Variants in PSD3 observed in about 807,000 individuals in gnomAD.
PSD3 encodes PH and SEC7 domain-containing protein 3.
A neutral mutation model predicts 105.5 loss-of-function variants in PSD3; 49 were observed. The observed-to-expected ratio is 0.46, with a 90% CI of 0.37 to 0.59. The LOEUF is 0.59. PSD3 is among the 20% of genes least tolerant of loss of function. The probability of loss-of-function intolerance (pLI) is 0.00; values close to 1 mark genes in which losing one functional copy is unlikely to be tolerated. For synonymous variants in PSD3, 557 were observed against 457.8 expected, an observed-to-expected ratio of 1.22 and a Z score of -2.77; for missense variants, 1,561 against 1,263.8, an observed-to-expected ratio of 1.24 and a Z score of -3.57.
intron 1 of PSD3, among the ~76,000 whole-genome samples, chr8:18,993,410 C>T (rs1446351598): frequency 6.7e-6 from 1 of 149,550 alleles, no homozygotes; most frequent in East Asian, 1.9e-4. Flanking sequence ...CTCATTGTTT[C>T]AGAGTATAGT....
chr8:18,707,757 T>G (rs1801988848), intron 9 of PSD3, among the ~76,000 whole-genome samples: 1 of 152,292 alleles, frequency 6.6e-6, no homozygotes, highest in East Asian at 1.9e-4. Flanking sequence ...AGGAAGAAAT[T>G]CTTATACTTC....
Position 18,767,887 on chromosome 8 carries a change from C to T in PSD3, c.2083-2349G>A, listed in dbSNP as rs180775463. 4.7e-3 allele frequency among the ~76,000 whole-genome samples: 711 copies of T among 152,136 alleles called. 8 individuals carry two copies. Among genetic ancestry groups the T allele is most frequent in the African/African-American group, 0.017 (688 of 41,504 alleles). On this transcript the variant is annotated intron_variant, in intron 8 of 15. Transcript: ENST00000327040. Reference sequence around the variant, plus strand: ...GTAAAAGGCTAACAGAAGGGTAGAACAGCACCTAGTGAATTCATTTGAAAG... The same window carrying T: ...GTAAAAGGCTAACAGAAGGGTAGAATAGCACCTAGTGAATTCATTTGAAAG...
At chr8:18,813,616 C>T (rs922604751) in intron 4 of PSD3, among the ~76,000 whole-genome samples, 4 of 152,090 alleles carry the variant, frequency 2.6e-5, no homozygotes, top group Non-Finnish European at 5.9e-5. Context: ...GTTCAGTTTG[C>T]CAGCAAGCAA....
chr8:18,833,790 G>GA (rs368859164), intron 4 of PSD3, among the ~76,000 whole-genome samples: 72 of 151,904 alleles, frequency 4.7e-4, no homozygotes, highest in Middle Eastern at 3.4e-3. Context: ...AGAAATGAAA[G>GA]AAAAAATAGA....
At position 18,678,586 on chromosome 8, in the gene PSD3, C is replaced by A. The variant is rs10108754; in HGVS notation, c.2173-22901G>T. Reference sequence around the variant, plus strand: ...CAACGCTTTGGGAGGCCTAAGTGGGCGGATCGCCTGAGGTTGGGAGTTCAA... The same window carrying A: ...CAACGCTTTGGGAGGCCTAAGTGGGAGGATCGCCTGAGGTTGGGAGTTCAA... On this transcript the variant is annotated intron_variant, in intron 9 of 15. Coordinates refer to ENST00000327040, the MANE Select transcript of PSD3 (RefSeq NM_015310.4). Among the ~76,000 whole-genome samples, 9 of 152,298 alleles carry A rather than the reference C, an allele frequency of 5.9e-5. No homozygotes were observed. In the East Asian group the frequency reaches 1.7e-3, roughly 29 times the overall value.
intron 1 of PSD3, among the ~76,000 whole-genome samples, chr8:18,956,467 C>G (rs1482865169): frequency 1.3e-5 from 2 of 152,064 alleles, no homozygotes; most frequent in East Asian, 3.9e-4. Context: ...CAGATTCTCT[C>G]TAAAAAGTTT....
intron 4 of PSD3, among the ~76,000 whole-genome samples, chr8:18,848,420 G>T (rs1190972999): frequency 2.6e-5 from 4 of 152,196 alleles, no homozygotes; most frequent in African/African-American, 7.2e-5. Flanking sequence ...TCCCCTGGTT[G>T]CATGGCCCTG....
At chr8:18,610,419 C>A (rs1805173095) in intron 11 of PSD3, among the ~76,000 whole-genome samples, 2 of 152,148 alleles carry the variant, frequency 1.3e-5, no homozygotes, top group South Asian at 2.1e-4. Context: ...GTAACCAACC[C>A]AGTTGTTTCT....
At chr8:19,024,664 G>C (rs930400161) in intron 1 of PSD3, among the ~76,000 whole-genome samples, 2 of 152,108 alleles carry the variant, frequency 1.3e-5, no homozygotes, top group Non-Finnish European at 2.9e-5. Context: ...GACATGATTA[G>C]AGGGGTAGAA....
intron 1 of PSD3, among the ~76,000 whole-genome samples, chr8:18,938,931 G>T (rs1021037708): frequency 5.9e-5 from 9 of 152,190 alleles, no homozygotes; most frequent in Admixed American, 6.5e-5. Context: ...ACAACCAGGT[G>T]CATGTATTGA....
chr8:18,572,210 A>G (rs1013884735), intron 14 of PSD3, among the ~76,000 whole-genome samples: 3 of 152,236 alleles, frequency 2.0e-5, no homozygotes, highest in Non-Finnish European at 4.4e-5. Flanking sequence ...ATGCAAGAAA[A>G]GCTTGTTACC....
chr8:18,754,873 G>C (rs190538361), intron 9 of PSD3, among the ~76,000 whole-genome samples: 1 of 152,036 alleles, frequency 6.6e-6, no homozygotes, highest in Admixed American at 6.5e-5. Context: ...AATAAAATTT[G>C]TTTTTCTGTA....
intron 2 of PSD3, among the ~76,000 whole-genome samples, chr8:18,888,377 C>T (rs1039236337): frequency 6.6e-6 from 1 of 152,012 alleles, no homozygotes; most frequent in Admixed American, 6.6e-5. Context: ...TCAGTATAAC[C>T]ACGTGGTTAA....
chr8:18,949,137 G>T (rs1823043153), intron 1 of PSD3, among the ~76,000 whole-genome samples: 1 of 144,032 alleles, frequency 6.9e-6, no homozygotes, highest in African/African-American at 2.6e-5. Context: ...CAGGAGAATG[G>T]CGTGAACCCA....
At chr8:19,048,526 GTGCTAGC>G (rs1828405085) in intron 1 of PSD3, among the ~76,000 whole-genome samples, 1 of 147,660 alleles carries the variant, frequency 6.8e-6, no homozygotes, top group Non-Finnish European at 1.5e-5. Context: ...AACTGCCAAA[GTGCTAGC>G]TTGTATATCC....
At position 18,975,311 on chromosome 8, in the gene PSD3, G is replaced by C. The variant is rs1029105375; in HGVS notation, c.21+38252C>G. Among the ~76,000 whole-genome samples the C allele has an allele frequency of 3.1e-3, 149 of 48,244 alleles. 1 individual carries two copies. Among genetic ancestry groups the C allele is most frequent in the African/African-American group, 6.9e-3 (142 of 20,604 alleles). 31.6% of individuals were successfully genotyped at this position (48,244 alleles called of 152,430 possible). On this transcript the variant is annotated intron_variant, in intron 1 of 15. Transcript: ENST00000327040. ...GAATAATTCTAGATAAACATTTTCTGAAATTTTTTTTTTTTTTTTTTTTGC... is the reference window on the plus strand; with the variant it reads ...GAATAATTCTAGATAAACATTTTCTCAAATTTTTTTTTTTTTTTTTTTTGC...
chr8:18,582,448 C>T (rs1402030753), intron 12 of PSD3, among the ~76,000 whole-genome samples: 1 of 152,256 alleles, frequency 6.6e-6, no homozygotes, highest in African/African-American at 2.4e-5. Flanking sequence ...CAGGCTCCTC[C>T]TCCTTTCTCT....
chr8:18,600,506 A>G (rs924277860), intron 11 of PSD3, 72 bp from the exon 12 acceptor site: 7 of 1,225,866 alleles, frequency 5.7e-6, no homozygotes, highest in Non-Finnish European at 8.2e-6. Context: ...AATGATCAAC[A>G]TGGTGACAGT....
At chr8:18,714,006 A>G (rs1484747262) in intron 9 of PSD3, among the ~76,000 whole-genome samples, 1 of 152,216 alleles carries the variant, frequency 6.6e-6, no homozygotes, top group African/African-American at 2.4e-5. Flanking sequence ...TCGTCAACAA[A>G]CCTGACAAAA....
Sources: gnomAD v4.1 joint callset for allele counts (sites outside exome capture counted in the v4.1 genomes callset) on GRCh38, gnomAD v4.1.1 for gene constraint, MANE v1.5 for transcripts, NCBI Gene and HGNC (gene_info 2026-07-23, HGNC 2026-07-21) for gene names.